Variants in DOCK4 observed in about 807,000 individuals in gnomAD.
DOCK4 encodes the protein dedicator of cytokinesis protein 4.
In DOCK4, 97 loss-of-function variants were observed where a neutral mutation model predicts 268.1. The observed-to-expected ratio is 0.36, with a 90% confidence interval of 0.31 to 0.43. The LOEUF is 0.43. DOCK4 is among the 20% of genes least tolerant of loss of function. The probability of loss-of-function intolerance (pLI) is 1.00; values close to 1 mark genes in which losing one functional copy is unlikely to be tolerated. For missense variants in DOCK4, 2,145 were observed against 2,455.7 expected (o/e 0.87, Z 2.67); for synonymous variants, 954 against 887.2 (o/e 1.08, Z -1.34).
At chr7:112,101,833 C>G (rs1370597998) in intron 1 of DOCK4, among the ~76,000 whole-genome samples, 1 of 130,374 alleles carries the variant, frequency 7.7e-6, no homozygotes, top group Non-Finnish European at 1.8e-5. Context: ...GAGACCTTTT[C>G]TTTTTCTTTT....
chr7:112,189,287 A>G (rs200359384), intron 1 of DOCK4, among the ~76,000 whole-genome samples: 3 of 2,616 alleles, frequency 1.1e-3, no homozygotes, highest in African/African-American at 1.4e-3. Flanking sequence ...CTTATTCTGG[A>G]AAAAAAAAAA....
chr7:112,024,319 G>A (rs1295011570), intron 1 of DOCK4, among the ~76,000 whole-genome samples: 2 of 152,140 alleles, frequency 1.3e-5, no homozygotes, highest in Non-Finnish European at 2.9e-5. Context: ...TTGAACACCA[G>A]ATTAGTATAC....
At chr7:112,183,282 G>T (rs1358781958) in intron 1 of DOCK4, among the ~76,000 whole-genome samples, 1 of 152,026 alleles carries the variant, frequency 6.6e-6, no homozygotes, top group African/African-American at 2.4e-5. Context: ...ATAGGAGGGG[G>T]AGAACTGTGA....
chr7:112,187,850 A>G (rs1240940787), intron 1 of DOCK4, among the ~76,000 whole-genome samples: 1 of 151,508 alleles, frequency 6.6e-6, no homozygotes, highest in African/African-American at 2.5e-5. Context: ...GCAATATTAT[A>G]TTTTCATCCC....
At chr7:112,195,793 A>ATAT (rs1491569159) in intron 1 of DOCK4, among the ~76,000 whole-genome samples, 1 of 152,174 alleles carries the variant, frequency 6.6e-6, no homozygotes, top group Non-Finnish European at 1.5e-5. Context: ...TGATAGTCTA[A>ATAT]TAAACAGCAA....
rs1794771206 is a variant in DOCK4 at position 111,728,134 on chromosome 7, A to G, written c.*140T>C. ...GCAACTTTTAATATTGTGCAACATG[A>G]TATTTAATAAGCAAGTTTTAATTCC... is the stretch of plus-strand genomic sequence containing the variant. On this transcript the variant is annotated 3_prime_UTR_variant, in exon 53 of 53. Coordinates refer to ENST00000428084, the MANE Select transcript of DOCK4 (RefSeq NM_001363540.2). 20 of 593,712 alleles carry G rather than the reference A, an allele frequency of 3.4e-5. No homozygotes were observed. Among genetic ancestry groups the G allele is most frequent in the Admixed American group, 3.9e-5 (1 of 25,482 alleles). The allele number at this position is 593,712 out of a possible 1,614,324, so 36.8% of individuals were successfully genotyped here.
intron 1 of DOCK4, among the ~76,000 whole-genome samples, chr7:112,027,912 GGA>G (rs1802945215): frequency 6.6e-6 from 1 of 152,198 alleles, no homozygotes; most frequent in South Asian, 2.1e-4. Flanking sequence ...GTCTAGTGAA[GGA>G]GAGAGCCATG....
intron 1 of DOCK4, among the ~76,000 whole-genome samples, chr7:112,139,660 GAC>G (rs1814703773): frequency 6.6e-6 from 1 of 152,162 alleles, no homozygotes; most frequent in African/African-American, 2.4e-5. Context: ...TTTACAGATT[GAC>G]AGTGATAATT....
At chr7:111,740,288 CGG>C (rs1337320676) in intron 47 of DOCK4, 1 of 270,244 alleles carries the variant, frequency 3.7e-6, no homozygotes, top group Non-Finnish European at 7.5e-6. Context: ...TTGATAGAGA[CGG>C]GGTTTCACCA....
At chr7:112,175,239 C>T (rs1818409969) in intron 1 of DOCK4, among the ~76,000 whole-genome samples, 1 of 152,088 alleles carries the variant, frequency 6.6e-6, no homozygotes, top group Non-Finnish European at 1.5e-5. Flanking sequence ...AAAGGATTTC[C>T]AAAGTGTCCT....
chr7:112,074,285 G>A (rs1807864059), intron 1 of DOCK4, among the ~76,000 whole-genome samples: 1 of 152,156 alleles, frequency 6.6e-6, no homozygotes, highest in Non-Finnish European at 1.5e-5. Flanking sequence ...TACATCCACA[G>A]GTTAGATTTT....
chr7:111,781,485 C>T lies in DOCK4; in HGVS notation c.3585+1379G>A, dbSNP rs557195798. On this transcript the variant is annotated intron_variant, in intron 35 of 52. Transcript: ENST00000428084. ...CTGAGAGCAGAGGTCAATGGTCTGA[C>T]CCAGTGAGCGTGGGCTAATGGCCTG... Among the ~76,000 whole-genome samples, 79 of 152,302 alleles carry T rather than the reference C, an allele frequency of 5.2e-4. No homozygotes were observed. In the South Asian group the frequency reaches 0.016, roughly 30 times the overall value.
intron 1 of DOCK4, among the ~76,000 whole-genome samples, chr7:112,144,971 A>G (rs764754821): frequency 7.9e-5 from 12 of 152,102 alleles, no homozygotes; most frequent in Non-Finnish European, 1.8e-4. Flanking sequence ...GCTTGTTAGA[A>G]TTTTTTAAAG....
chr7:111,797,031 G>C (rs1038765554), intron 30 of DOCK4, among the ~76,000 whole-genome samples: 2 of 152,170 alleles, frequency 1.3e-5, no homozygotes, highest in African/African-American at 4.8e-5. Flanking sequence ...CTAAAAAAAT[G>C]CTTTTATTCT....
chr7:112,138,738 G>C (rs1286160020), intron 1 of DOCK4, among the ~76,000 whole-genome samples: 1 of 152,076 alleles, frequency 6.6e-6, no homozygotes, highest in Admixed American at 6.5e-5. Flanking sequence ...TTGGAGATGG[G>C]GCCTCTTTGG....
At chr7:111,779,076 TAA>T (rs531970629) in intron 35 of DOCK4, among the ~76,000 whole-genome samples, 1 of 136,796 alleles carries the variant, frequency 7.3e-6, no homozygotes, top group Non-Finnish European at 1.6e-5. Context: ...TAAAAATCTC[TAA>T]AAAAAAAAAA....
intron 25 of DOCK4, among the ~76,000 whole-genome samples, chr7:111,836,059 A>C (rs1803216576): frequency 6.6e-6 from 1 of 152,218 alleles, no homozygotes; most frequent in African/African-American, 2.4e-5. Flanking sequence ...TAACAAAAGA[A>C]ATAAAAAGTT....
In DOCK4 at chr7:111,780,271, A is replaced by G. The variant is rs542589649; in HGVS notation, c.3586-1902T>C. ...AAATGCATCATAAATTTTTTTTTCA[A>G]TTTATACCATTATCCTCCCTCTTTT... On this transcript the variant is annotated intron_variant, in intron 35 of 52. Transcript: ENST00000428084. Among the ~76,000 whole-genome samples, 6 of 152,162 alleles carry G rather than the reference A, an allele frequency of 3.9e-5. No homozygotes were observed. The East Asian group carries it at 9.7e-4, about 24-fold the overall frequency.
chr7:111,983,914 A>C (rs886525318), intron 7 of DOCK4, among the ~76,000 whole-genome samples: 1 of 148,740 alleles, frequency 6.7e-6, no homozygotes, highest in African/African-American at 2.5e-5. Context: ...TAATGGGGGC[A>C]GGAGGAGGGT....
Sources: gnomAD v4.1 joint callset for allele counts (sites outside exome capture counted in the v4.1 genomes callset) on GRCh38, gnomAD v4.1.1 for gene constraint, MANE v1.5 for transcripts, NCBI Gene and HGNC (gene_info 2026-07-23, HGNC 2026-07-21) for gene names.